Variants in CMIP observed in about 807,000 individuals in gnomAD.
CMIP encodes C-Maf-inducing protein.
CMIP carries 13 observed loss-of-function variants against 97.3 expected under a neutral mutation model. The ratio of observed to expected loss-of-function variants is 0.13; its 90% CI spans 0.09 to 0.21. CMIP has a LOEUF of 0.21. CMIP is among the 10% of genes least tolerant of loss of function. The probability of loss-of-function intolerance (pLI) is 1.00; values close to 1 mark genes in which losing one functional copy is unlikely to be tolerated. For synonymous variants in CMIP, 538 were observed against 436.3 expected, an observed-to-expected ratio of 1.23 and a Z score of -2.91; for missense variants, 847 against 1,024.9, an observed-to-expected ratio of 0.83 and a Z score of 2.37.
intron 2 of CMIP, chr16:81,618,519 C>G (rs760966503): frequency 2.0e-5 from 3 of 152,268 alleles, no homozygotes; most frequent in Non-Finnish European, 2.9e-5. Flanking sequence ...ACCTCCTTCT[C>G]TCTCTGGCCC....
intron 1 of CMIP, among the ~76,000 whole-genome samples, chr16:81,480,546 A>G (rs1409457731): frequency 6.6e-6 from 1 of 152,204 alleles, no homozygotes; most frequent in Non-Finnish European, 1.5e-5. Context: ...TCAAAAAATA[A>G]TAATAAAATC....
At chr16:81,702,807 C>G in intron 17 of CMIP, 138 bp downstream of exon 17, 4 of 721,446 alleles carry the variant, frequency 5.5e-6, no homozygotes, top group Non-Finnish European at 9.9e-6. Context: ...GTACTTAACA[C>G]GCCAGCTCTT....
intron 1 of CMIP, among the ~76,000 whole-genome samples, chr16:81,562,308 T>C (rs2090898534): frequency 6.6e-6 from 1 of 152,214 alleles, no homozygotes; most frequent in Non-Finnish European, 1.5e-5. Context: ...CTTACCCAGC[T>C]CATGGTCCAA....
intron 1 of CMIP, among the ~76,000 whole-genome samples, chr16:81,459,966 G>T (rs1420334172): frequency 6.6e-6 from 1 of 152,206 alleles, no homozygotes. Context: ...GGACCAAGGG[G>T]ACTTTGGCCA....
chr16:81,640,941 C>T (rs1428386405), intron 3 of CMIP, among the ~76,000 whole-genome samples: 1 of 152,136 alleles, frequency 6.6e-6, no homozygotes, highest in African/African-American at 2.4e-5. Flanking sequence ...TTTGGGCAGA[C>T]ACAGTCCAAC....
At chr16:81,663,545 C>T (rs1050820122) in intron 6 of CMIP, among the ~76,000 whole-genome samples, 20 of 152,152 alleles carry the variant, frequency 1.3e-4, no homozygotes, top group African/African-American at 4.6e-4. Flanking sequence ...TATGATATTA[C>T]ATTGGTGGCT....
chr16:81,603,318 A>G (rs2091688660), intron 1 of CMIP: 2 of 447,916 alleles, frequency 4.5e-6, no homozygotes, highest in Non-Finnish European at 4.5e-6. Flanking sequence ...AGGTGACGTC[A>G]TGATCCGCCC....
At chr16:81,591,827 TTTC>T (rs1240487903) in intron 1 of CMIP, among the ~76,000 whole-genome samples, 1 of 146,872 alleles carries the variant, frequency 6.8e-6, no homozygotes, top group African/African-American at 2.7e-5. Flanking sequence ...TCTTTCTTTC[TTTC>T]TTTTTTTTTT....
intron 1 of CMIP, chr16:81,476,170 G>T: frequency 8.5e-7 from 1 of 1,174,874 alleles, no homozygotes; most frequent in Non-Finnish European, 1.3e-6. Flanking sequence ...CTCAGTCTTG[G>T]CAGTGCGTGT....
At position 81,597,420 on chromosome 16, in the gene CMIP, C is replaced by A. The variant is rs891074619; in HGVS notation, c.301-10147C>A. 3.9e-5 allele frequency among the ~76,000 whole-genome samples: 6 copies of A among 152,286 alleles called. No individual in the cohort carries two copies. The South Asian group carries it at 1.0e-3, about 26-fold the overall frequency. On this transcript the variant is annotated intron_variant, in intron 1 of 20. Coordinates refer to ENST00000537098, the MANE Select transcript of CMIP (RefSeq NM_198390.3). The stretch of plus-strand genomic sequence containing the variant: ...AAGTCCAAAGGTCTTGGTTTTCTTC[C>A]CAGCTCTCTCCTGAATAGCTGTGTG...
chr16:81,656,363 C>G (rs1487083032), intron 4 of CMIP, among the ~76,000 whole-genome samples: 1 of 152,228 alleles, frequency 6.6e-6, no homozygotes, highest in Admixed American at 6.5e-5. Flanking sequence ...AGAACCAGAA[C>G]AATCGATCTT....
chr16:81,668,863 C>CACCCACCTCACACTCATTGCCTTCCGT, intron 7 of CMIP, among the ~76,000 whole-genome samples: 1 of 151,094 alleles, frequency 6.6e-6, no homozygotes, highest in Non-Finnish European at 1.5e-5. Context: ...CTGCCTTCCA[C>CACCCACCTCACACTCATTGCCTTCCGT]ACCCACCTCA....
chr16:81,569,945 TTTCATTCATTCATTCA>T (rs71146021), intron 1 of CMIP, among the ~76,000 whole-genome samples: 1 of 150,786 alleles, frequency 6.6e-6, no homozygotes, highest in Non-Finnish European at 1.5e-5. Context: ...TGCACTTAAC[TTTCATTCATTCATTCA>T]TTCATTCATT....
intron 16 of CMIP, 58 bp downstream of exon 16, chr16:81,701,858 G>A: frequency 1.2e-6 from 2 of 1,601,332 alleles, no homozygotes; most frequent in South Asian, 1.1e-5. Flanking sequence ...GGGGGCCAGG[G>A]CGGGATGCGG....
chr16:81,704,101 C>A lies in CMIP; in HGVS notation c.2091+16C>A. The A allele has an allele frequency of 6.3e-7, 1 of 1,597,228 alleles. No homozygotes were observed. On this transcript the variant is annotated intron_variant, in intron 18 of 20. Transcript: ENST00000537098. ...GTCCACTCAGGTACGTCCTCCCGCC[C>A]TGCTGCAGTCCCCCACACCCTCCTC...
intron 3 of CMIP, among the ~76,000 whole-genome samples, chr16:81,643,401 A>G (rs1160233071): frequency 1.3e-5 from 2 of 152,254 alleles, no homozygotes; most frequent in African/African-American, 2.4e-5. Flanking sequence ...GTAACAGCTT[A>G]AAAGGGTTTC....
rs1379048410 is a variant in CMIP, at chr16:81,668,328, C to T, written c.826-1814C>T. ...AGTCCCAGCACCTCCGCAGCCCTGG[C>T]CACGACCCTGGGAATGAATGCGGCG... On this transcript the variant is annotated intron_variant, in intron 7 of 20. Coordinates refer to ENST00000537098, the MANE Select transcript of CMIP (RefSeq NM_198390.3). Among the ~76,000 whole-genome samples the T allele has an allele frequency of 3.3e-5, 5 of 152,256 alleles. No individual in the cohort carries two copies. The South Asian group carries it at 1.0e-3, about 31-fold the overall frequency.
intron 1 of CMIP, among the ~76,000 whole-genome samples, chr16:81,539,022 A>G (rs921358424): frequency 1.3e-5 from 2 of 152,202 alleles, no homozygotes; most frequent in Admixed American, 1.3e-4. Context: ...GCACACAGAA[A>G]ATTCGATTAG....
intron 1 of CMIP, among the ~76,000 whole-genome samples, chr16:81,583,282 C>T (rs1254534665): frequency 6.6e-6 from 1 of 152,238 alleles, no homozygotes; most frequent in African/African-American, 2.4e-5. Context: ...ATGTCCCCAC[C>T]CTGTCACCGG....
Sources: gnomAD v4.1 joint callset for allele counts (sites outside exome capture counted in the v4.1 genomes callset) on GRCh38, gnomAD v4.1.1 for gene constraint, MANE v1.5 for transcripts, NCBI Gene and HGNC (gene_info 2026-07-23, HGNC 2026-07-21) for gene names.